The following SLC25A26 variants were observed in gnomAD, a reference collection of about 807,000 sequenced individuals.
SLC25A26 encodes the protein mitochondrial S-adenosylmethionine carrier protein.
A neutral mutation model predicts 37.8 loss-of-function variants in SLC25A26; 36 were observed. That is an observed-to-expected ratio of 0.95 (90% CI 0.73 to 1.26). The LOEUF is 1.26. Among genes scored for constraint, SLC25A26 ranks in the 50% most tolerant of loss-of-function variants. SLC25A26 has a pLI of 0.00. For missense variants in SLC25A26, 390 were observed against 331.1 expected, an observed-to-expected ratio of 1.18 and a Z score of -1.38; for synonymous variants, 129 against 122.5, an observed-to-expected ratio of 1.05 and a Z score of -0.35.
At chr3:66,259,975 G>C (rs1018291891) in intron 3 of SLC25A26, among the ~76,000 whole-genome samples, 1 of 152,156 alleles carries the variant, frequency 6.6e-6, no homozygotes, top group Non-Finnish European at 1.5e-5. Flanking sequence ...TACTGTGTTG[G>C]TGGGACTGCC....
chr3:66,208,989 TTTATGTACCC>T lies in SLC25A26; in HGVS notation c.-353-11752_-353-11743del, dbSNP rs1576639219. Among the ~76,000 whole-genome samples, 210 of 121,638 alleles carry T rather than the reference TTTATGTACCC, an allele frequency of 1.7e-3. 3 individuals are homozygous for T. Among genetic ancestry groups the T allele is most frequent in the African/African-American group, 5.6e-3 (189 of 33,810 alleles). 79.8% of individuals were successfully genotyped at this position (121,638 alleles called of 152,430 possible). On this transcript the variant is annotated intron_variant, in intron 1 of 10. Transcript: ENST00000676754. ...ATAAAGGTGTGTATATATATATATA[TTTATGTACCC>T]ATATAAAGGTATATATATATATACA...
At chr3:66,146,237 G>A (rs1294942858) in intron 1 of SLC25A26, among the ~76,000 whole-genome samples, 2 of 151,926 alleles carry the variant, frequency 1.3e-5, no homozygotes, top group Non-Finnish European at 2.9e-5. Flanking sequence ...CTACTTGGGA[G>A]GCTAAGGCAG....
chr3:66,370,384 C>A, intron 8 of SLC25A26, 145 bp from the exon 9 acceptor site: 1 of 734,050 alleles, frequency 1.4e-6, no homozygotes, highest in Non-Finnish European at 2.4e-6. Flanking sequence ...CGAGCCAGGT[C>A]CTGATTGCCA....
intron 5 of SLC25A26, among the ~76,000 whole-genome samples, chr3:66,273,421 T>C (rs552712107): frequency 1.3e-5 from 2 of 152,232 alleles, no homozygotes; most frequent in African/African-American, 2.4e-5. Flanking sequence ...CATCTGGTCC[T>C]GGACTCTTTT....
chr3:66,168,941 G>GT (rs2070459987), intron 1 of SLC25A26, among the ~76,000 whole-genome samples: 2 of 152,168 alleles, frequency 1.3e-5, no homozygotes, highest in Non-Finnish European at 2.9e-5. Flanking sequence ...GAGCAACATA[G>GT]CAAGACCTGG....
chr3:66,194,847 C>A (rs2071016721), intron 1 of SLC25A26, among the ~76,000 whole-genome samples: 1 of 152,182 alleles, frequency 6.6e-6, no homozygotes, highest in South Asian at 2.1e-4. Flanking sequence ...GTGATCCGCC[C>A]TCCTCGGCCT....
rs189646731 is a variant in SLC25A26 at position 66,318,438 on chromosome 3, C to G, written c.454-27926C>G. 1.4e-4 allele frequency among the ~76,000 whole-genome samples: 22 copies of G among 152,216 alleles called. No individual in the cohort carries two copies. The East Asian group carries it at 4.3e-3, about 30-fold the overall frequency. The stretch of plus-strand genomic sequence containing the variant: ...GAGGGAGCCCCCTTTCCCCCTGCCG[C>G]CTTGTGAAGCTCCCGGGTGGGCCCT... On this transcript the variant is annotated intron_variant, in intron 5 of 9. Transcript: ENST00000354883.
At chr3:66,301,046 C>A (rs553927319) in intron 5 of SLC25A26, among the ~76,000 whole-genome samples, 56 of 151,972 alleles carry the variant, frequency 3.7e-4, no homozygotes, top group Admixed American at 9.2e-4. Context: ...GTTTGACCTG[C>A]CAGAATAAAA....
intron 5 of SLC25A26, among the ~76,000 whole-genome samples, chr3:66,344,095 A>T (rs1339622336): frequency 6.6e-6 from 1 of 152,200 alleles, no homozygotes; most frequent in African/African-American, 2.4e-5. Flanking sequence ...CCTGAATGGT[A>T]GACAGATTTT....
At chr3:66,341,413 T>G (rs332364) in intron 5 of SLC25A26, among the ~76,000 whole-genome samples, 1 of 151,888 alleles carries the variant, frequency 6.6e-6, no homozygotes, top group Admixed American at 6.6e-5. Context: ...TGTTATTTAA[T>G]TGGCACTCTA....
At chr3:66,336,047 C>T (rs1440254097) in intron 5 of SLC25A26, among the ~76,000 whole-genome samples, 1 of 152,194 alleles carries the variant, frequency 6.6e-6, no homozygotes, top group South Asian at 2.1e-4. Context: ...TGTAATTTTG[C>T]GTAAATGCAC....
rs912542567 is a variant in SLC25A26, at chr3:66,256,249, A to C, written c.301-5802A>C. 1.5e-3 allele frequency among the ~76,000 whole-genome samples: 226 copies of C among 152,194 alleles called. 1 individual carries two copies. The highest frequency in any genetic ancestry group is 5.3e-3 in the African/African-American group (219 of 41,556). ...GGTTCATGTAGGTTTCGTTGGACTT[A>C]TACCCAATTTTAGGCCTTACTGGTA... On this transcript the variant is annotated intron_variant, in intron 3 of 9. Transcript: ENST00000354883.
chr3:66,202,023 C>T (rs1015800798), intron 1 of SLC25A26, among the ~76,000 whole-genome samples: 82,064 of 151,996 alleles, frequency 0.54, 24,585 homozygotes, highest in Middle Eastern at 0.79. Context: ...ATGATATACC[C>T]AAAGGATTAT....
intron 5 of SLC25A26, chr3:66,304,475 G>GT (rs1388870141): frequency 4.4e-6 from 2 of 456,210 alleles, no homozygotes; most frequent in African/African-American, 4.0e-5. Context: ...AGTCAAAGGT[G>GT]TGGGGAGGCT....
chr3:66,211,160 C>T (rs996479549), intron 1 of SLC25A26, among the ~76,000 whole-genome samples: 1 of 152,288 alleles, frequency 6.6e-6, no homozygotes, highest in East Asian at 1.9e-4. Context: ...GATCCTTGAA[C>T]TCTAAGAGGG....
At chr3:66,135,127 G>A (rs2069928266) in intron 1 of SLC25A26, among the ~76,000 whole-genome samples, 1 of 151,984 alleles carries the variant, frequency 6.6e-6, no homozygotes, top group Admixed American at 6.6e-5. Context: ...CACCATGCCC[G>A]GCCTGTCAAT....
intron 5 of SLC25A26, among the ~76,000 whole-genome samples, chr3:66,342,135 C>T (rs2107720311): frequency 6.6e-6 from 1 of 152,110 alleles, no homozygotes; most frequent in African/African-American, 2.4e-5. Context: ...TGTGAATCAC[C>T]TGTAGATCTC....
chr3:66,235,614 G>A (rs1301919546), intron 1 of SLC25A26, among the ~76,000 whole-genome samples: 1 of 152,158 alleles, frequency 6.6e-6, no homozygotes, highest in East Asian at 1.9e-4. Context: ...CAAAATTCCA[G>A]TCTGAAAGGA....
At chr3:66,308,887 G>C (rs2075300238) in intron 5 of SLC25A26, among the ~76,000 whole-genome samples, 1 of 152,116 alleles carries the variant, frequency 6.6e-6, no homozygotes, top group Non-Finnish European at 1.5e-5. Flanking sequence ...GATGAAGCCT[G>C]CTTGATCATG....
Sources: allele counts gnomAD v4.1 joint callset (sites outside exome capture counted in the v4.1 genomes callset), GRCh38; gene constraint gnomAD v4.1.1; transcripts MANE v1.5; gene names NCBI Gene and HGNC (gene_info 2026-07-23, HGNC 2026-07-21).